Variants in ADAMTS19 observed in about 807,000 individuals in gnomAD.
ADAMTS19 encodes ADAM metallopeptidase with thrombospondin type 1 motif 19, also known as A disintegrin and metalloproteinase with thrombospondin motifs 19.
In ADAMTS19, 93 loss-of-function variants were observed where a neutral mutation model predicts 153.3. The observed-to-expected ratio is 0.61, with a 90% confidence interval of 0.51 to 0.72. The LOEUF is 0.72. ADAMTS19 is among the 30% of genes least tolerant of loss of function. The pLI, the probability that ADAMTS19 is intolerant of heterozygous loss-of-function variation, is 0.00. For missense variants in ADAMTS19, 1,482 were observed against 1,552.1 expected, an observed-to-expected ratio of 0.95 and a Z score of 0.76; for synonymous variants, 600 against 556.6, an observed-to-expected ratio of 1.08 and a Z score of -1.10.
intron 21 of ADAMTS19, among the ~76,000 whole-genome samples, chr5:129,731,145 G>A (rs1296459999): frequency 6.6e-6 from 1 of 152,056 alleles, no homozygotes; most frequent in East Asian, 1.9e-4. Context: ...TTTTAGTAGA[G>A]ATGGGGTTTC....
chr5:129,513,012 T>A (rs982006629), intron 3 of ADAMTS19, among the ~76,000 whole-genome samples: 1 of 151,962 alleles, frequency 6.6e-6, no homozygotes, highest in African/African-American at 2.4e-5. Context: ...TCCATTTCAA[T>A]TTTTCTCCTG....
At chr5:129,491,353 T>C (rs924543560) in intron 2 of ADAMTS19, among the ~76,000 whole-genome samples, 2 of 152,174 alleles carry the variant, frequency 1.3e-5, no homozygotes, top group African/African-American at 2.4e-5. Flanking sequence ...TCGGAGTACC[T>C]GTTTTTCTAA....
At chr5:129,713,715 C>T (rs1756583747) in intron 21 of ADAMTS19, among the ~76,000 whole-genome samples, 2 of 150,904 alleles carry the variant, frequency 1.3e-5, no homozygotes, top group Non-Finnish European at 2.9e-5. Flanking sequence ...GAGCCGAGAT[C>T]GTGCCACTGC....
rs1752852631 is a variant in ADAMTS19, at chr5:129,546,263, C to CA, written c.1329-5600dup. On this transcript the variant is annotated intron_variant, in intron 6 of 22. Transcript: ENST00000274487. ...GGGTGGGGGCAGGCGGGAGGGATAGCATTGGGAGATATACCTAATGCTAGA... is the reference window on the plus strand; with the variant it reads ...GGGTGGGGGCAGGCGGGAGGGATAGCAATTGGGAGATATACCTAATGCTAGA... Among the ~76,000 whole-genome samples the CA allele has an allele frequency of 4.0e-5, 6 of 150,312 alleles. No individual in the cohort carries two copies. In the South Asian group the frequency reaches 1.2e-3, roughly 31 times the overall value.
At chr5:129,703,969 T>C (rs904524384) in intron 20 of ADAMTS19, among the ~76,000 whole-genome samples, 1 of 152,214 alleles carries the variant, frequency 6.6e-6, no homozygotes, top group Non-Finnish European at 1.5e-5. Context: ...TATTTATCTT[T>C]CTTAAATAAT....
chr5:129,561,607 G>C (rs564435216), intron 7 of ADAMTS19, among the ~76,000 whole-genome samples: 2 of 152,074 alleles, frequency 1.3e-5, no homozygotes, highest in South Asian at 4.2e-4. Flanking sequence ...GCATGTCGTA[G>C]TGTTTTAAAA....
intron 2 of ADAMTS19, among the ~76,000 whole-genome samples, chr5:129,464,749 T>C (rs941258089): frequency 6.6e-6 from 1 of 152,234 alleles, no homozygotes. Context: ...ATCTCATATC[T>C]GGATCTCTCT....
At chr5:129,696,985 A>G (rs1186725744) in intron 19 of ADAMTS19, among the ~76,000 whole-genome samples, 1 of 152,188 alleles carries the variant, frequency 6.6e-6, no homozygotes, top group Non-Finnish European at 1.5e-5. Context: ...AAAGACCTGG[A>G]AAGGGAAGGG....
intron 8 of ADAMTS19, among the ~76,000 whole-genome samples, chr5:129,604,847 A>T (rs1297444066): frequency 6.6e-6 from 1 of 152,222 alleles, no homozygotes; most frequent in Non-Finnish European, 1.5e-5. Context: ...TTATTCTGGT[A>T]CACACATGCA....
chr5:129,535,894 C>G (rs1363876037), intron 6 of ADAMTS19, among the ~76,000 whole-genome samples: 1 of 152,084 alleles, frequency 6.6e-6, no homozygotes, highest in Non-Finnish European at 1.5e-5. Flanking sequence ...TTCCTTACAC[C>G]TTATACAAAA....
At chr5:129,539,259 C>T (rs1313836891) in intron 6 of ADAMTS19, among the ~76,000 whole-genome samples, 1 of 151,868 alleles carries the variant, frequency 6.6e-6, no homozygotes, top group East Asian at 1.9e-4. Flanking sequence ...AGTGTAATCA[C>T]AAGAGTCCTA....
At chr5:129,480,884 A>G (rs1295462988) in intron 2 of ADAMTS19, among the ~76,000 whole-genome samples, 7 of 152,186 alleles carry the variant, frequency 4.6e-5, no homozygotes, top group Admixed American at 4.6e-4. Context: ...GATTCTAAGA[A>G]GGAAGGACAA....
intron 2 of ADAMTS19, among the ~76,000 whole-genome samples, chr5:129,472,769 A>G (rs1750109042): frequency 6.6e-6 from 1 of 150,728 alleles, no homozygotes; most frequent in Non-Finnish European, 1.5e-5. Flanking sequence ...TTATATATTT[A>G]TGTTATTATA....
At chr5:129,611,310 A>C (rs1751203197) in intron 8 of ADAMTS19, among the ~76,000 whole-genome samples, 1 of 152,086 alleles carries the variant, frequency 6.6e-6, no homozygotes, top group Non-Finnish European at 1.5e-5. Flanking sequence ...CCATTTGTCA[A>C]TGTTGGCTTT....
At chr5:129,568,713 T>C (rs1424223643) in intron 7 of ADAMTS19, among the ~76,000 whole-genome samples, 1 of 152,024 alleles carries the variant, frequency 6.6e-6, no homozygotes, top group Non-Finnish European at 1.5e-5. Flanking sequence ...TCTCAACTAC[T>C]CAGCAGGCTG....
At chr5:129,643,611 T>G (rs1193030773) in intron 11 of ADAMTS19, among the ~76,000 whole-genome samples, 2 of 152,112 alleles carry the variant, frequency 1.3e-5, no homozygotes, top group African/African-American at 4.8e-5. Flanking sequence ...ACAAATTGTT[T>G]AAATCCAAAC....
intron 6 of ADAMTS19, among the ~76,000 whole-genome samples, chr5:129,549,138 G>T (rs1345895281): frequency 6.7e-6 from 1 of 149,184 alleles, no homozygotes; most frequent in East Asian, 2.0e-4. Context: ...TAACAAACCT[G>T]CACATTGTGC....
chr5:129,703,695 G>C (rs1002032503), intron 20 of ADAMTS19, among the ~76,000 whole-genome samples: 2 of 152,014 alleles, frequency 1.3e-5, no homozygotes, highest in African/African-American at 4.8e-5. Context: ...TCACGCTACT[G>C]CACTCCAACC....
At position 129,685,214 on chromosome 5, in the gene ADAMTS19, T is replaced by C. The variant is rs143567640; in HGVS notation, c.2818+941T>C. 2.3e-4 allele frequency among the ~76,000 whole-genome samples: 35 copies of C among 152,074 alleles called. No individual in the cohort carries two copies. In the East Asian group the frequency reaches 3.9e-3, roughly 17 times the overall value. ...AAAGACTTTATGTATCCTTGGCATTTAAAAATATCCATATATTCTTTATCT... is the reference window on the plus strand; with the variant it reads ...AAAGACTTTATGTATCCTTGGCATTCAAAAATATCCATATATTCTTTATCT... On this transcript the variant is annotated intron_variant, in intron 18 of 22. Transcript: ENST00000274487.
Sources: allele counts gnomAD v4.1 joint callset (sites outside exome capture counted in the v4.1 genomes callset), GRCh38; gene constraint gnomAD v4.1.1; transcripts MANE v1.5; gene names NCBI Gene and HGNC (gene_info 2026-07-23, HGNC 2026-07-21).